Variants in CIROZ observed in about 807,000 individuals in gnomAD.
The protein encoded by CIROZ is ciliated left-right organizer protein containing ZP-N domains.
At chr1:10,968,128 C>T in the CIROZ span, among the ~76,000 whole-genome samples, 1 of 152,134 alleles carries the variant, frequency 6.6e-6, no homozygotes, top group African/African-American at 2.4e-5. Context: ...CACTGCACTC[C>T]AGCCTGGGCA....
the CIROZ span, among the ~76,000 whole-genome samples, chr1:10,959,540 T>C: frequency 1.3e-5 from 2 of 151,974 alleles, no homozygotes; most frequent in African/African-American, 2.4e-5. The surrounding 1 kb of genome is among the most constrained non-coding windows in gnomAD (Gnocchi z 4.3). Context: ...GCCAGGGAGG[T>C]TGTGGCACCG....
the CIROZ span, among the ~76,000 whole-genome samples, chr1:10,973,990 G>A: frequency 6.6e-6 from 1 of 152,140 alleles, no homozygotes; most frequent in African/African-American, 2.4e-5. Context: ...GCTCAGGGGT[G>A]TCTTCTGCTG....
the CIROZ span, chr1:10,949,638 C>T: frequency 2.4e-5 from 38 of 1,603,982 alleles, no homozygotes; most frequent in African/African-American, 4.0e-5. Context: ...GCCAGTGCGT[C>T]GGAAGGCCGG....
At chr1:10,957,789 C>G in the CIROZ span, 24 of 1,594,760 alleles carry the variant, frequency 1.5e-5, no homozygotes, top group East Asian at 2.2e-5. Context: ...ACCATGTGGC[C>G]AGGGAGGCAC....
the CIROZ span, among the ~76,000 whole-genome samples, chr1:10,974,729 G>A: frequency 6.6e-6 from 1 of 152,184 alleles, no homozygotes; most frequent in Non-Finnish European, 1.5e-5. This position sits in a 1 kb window ranked among gnomAD's most constrained non-coding sequence, Gnocchi z 4.4. Flanking sequence ...TCCCGTAACA[G>A]AAGTTTGCCC....
the CIROZ span, chr1:10,964,336 T>G: frequency 9.9e-6 from 15 of 1,517,418 alleles, no homozygotes; most frequent in Non-Finnish European, 1.3e-5. Flanking sequence ...AGCCTGCAAT[T>G]ATAGGTCAGT....
the CIROZ span, among the ~76,000 whole-genome samples, chr1:10,947,342 C>T: frequency 1.9e-4 from 29 of 152,356 alleles, no homozygotes; most frequent in South Asian, 5.8e-3. Context: ...CTGCACTCAG[C>T]GCCTCTTCCC....
chr1:10,956,357 G>A, the CIROZ span, among the ~76,000 whole-genome samples: 1 of 152,144 alleles, frequency 6.6e-6, no homozygotes, highest in East Asian at 1.9e-4. Flanking sequence ...CAGAGCCCTG[G>A]AGGGTCTGAC....
chr1:10,982,024 G>T, the CIROZ span: 14 of 1,537,070 alleles, frequency 9.1e-6, no homozygotes, highest in African/African-American at 1.4e-4. Flanking sequence ...GGCAAGTGCT[G>T]GGGACCCCCA....
chr1:10,980,498 C>T, the CIROZ span, among the ~76,000 whole-genome samples: 1 of 152,244 alleles, frequency 6.6e-6, no homozygotes, highest in Non-Finnish European at 1.5e-5. Flanking sequence ...AAACAAAAAC[C>T]TGGCTGGGGC....
chr1:10,973,552 G>A, the CIROZ span, among the ~76,000 whole-genome samples: 45 of 152,238 alleles, frequency 3.0e-4, no homozygotes, highest in African/African-American at 1.1e-3. Flanking sequence ...AGCTGGCCCC[G>A]TCTGTACAAC....
chr1:10,960,664 G>C, the CIROZ span, among the ~76,000 whole-genome samples: 1 of 152,220 alleles, frequency 6.6e-6, no homozygotes, highest in African/African-American at 2.4e-5. This position sits in a 1 kb window ranked among gnomAD's most constrained non-coding sequence, Gnocchi z 4.6. Flanking sequence ...AAGCGAGCTC[G>C]CAGATCGCTG....
At chr1:10,966,360 C>T in the CIROZ span, 13 of 1,516,362 alleles carry the variant, frequency 8.6e-6, no homozygotes, top group African/African-American at 1.7e-4. Flanking sequence ...AAACCCACCT[C>T]TTTCTGCACA....
chr1:10,966,315 A>G, the CIROZ span: 4 of 1,489,134 alleles, frequency 2.7e-6, no homozygotes, highest in African/African-American at 4.3e-5. Context: ...AGCTCCTTAA[A>G]TCTCCCTTTA....
chr1:10,972,077 G>A, the CIROZ span, among the ~76,000 whole-genome samples: 4 of 152,332 alleles, frequency 2.6e-5, no homozygotes, highest in Admixed American at 2.6e-4. Flanking sequence ...ATATGGGTTA[G>A]GCACATGTTT....
At chr1:10,961,991 T>C in the CIROZ span, among the ~76,000 whole-genome samples, 1 of 152,106 alleles carries the variant, frequency 6.6e-6, no homozygotes, top group African/African-American at 2.4e-5. Context: ...ATGGTGTTTG[T>C]CATCAGCAGC....
chr1:10,949,817 T>C, the CIROZ span: 2 of 1,544,246 alleles, frequency 1.3e-6, no homozygotes, highest in Non-Finnish European at 1.8e-6. Context: ...TCCTGAACCT[T>C]CCAGAGAGAA....
chr1:10,971,673 T>C, the CIROZ span, among the ~76,000 whole-genome samples: 1 of 152,124 alleles, frequency 6.6e-6, no homozygotes, highest in Non-Finnish European at 1.5e-5. Context: ...GTTGGGAATA[T>C]GTTACCTAGT....
the CIROZ span, chr1:10,957,007 C>T: frequency 6.5e-7 from 1 of 1,545,102 alleles, no homozygotes; most frequent in Middle Eastern, 1.7e-4. Context: ...ACATTAGGGG[C>T]ACTCCTGGGT....
Sources: gnomAD v4.1 joint callset for allele counts (sites outside exome capture counted in the v4.1 genomes callset) on GRCh38, gnomAD v4.1.1 for gene constraint, Gnocchi (gnomAD v3.1) non-coding constraint, MANE v1.5 for transcripts, NCBI Gene and HGNC (gene_info 2026-07-23, HGNC 2026-07-21) for gene names.